TNRC6B: variants seen among roughly 807,000 people sequenced by gnomAD.
TNRC6B encodes trinucleotide repeat-containing gene 6B protein.
TNRC6B carries 52 observed loss-of-function variants against 203.6 expected under a neutral mutation model. That is an observed-to-expected ratio of 0.26 (90% confidence interval 0.20 to 0.32). TNRC6B has a LOEUF of 0.32. Among genes scored for constraint, TNRC6B ranks in the 10% least tolerant of loss-of-function variants. TNRC6B has a pLI of 1.00. For missense variants in TNRC6B, 1,923 were observed against 2,286.2 expected (o/e 0.84, Z 3.24); for synonymous variants, 838 against 845.7 (o/e 0.99, Z 0.16).
chr22:40,214,439 A>C lies in TNRC6B; in HGVS notation c.6-31576A>C, dbSNP rs117262306. On this transcript the variant is annotated intron_variant, in intron 1 of 22. Transcript: ENST00000454349. ...AAGGTTGGTAGATTTTATCAATGTC[A>C]GTTTCTTCGTTGGGATATTATAGTT... Among the ~76,000 whole-genome samples the C allele has an allele frequency of 6.2e-4, 94 of 152,252 alleles. No homozygotes were observed. In the East Asian group the frequency reaches 0.016, roughly 26 times the overall value.
At chr22:40,089,018 A>C (rs544085090) in intron 1 of TNRC6B, among the ~76,000 whole-genome samples, 1 of 152,138 alleles carries the variant, frequency 6.6e-6, no homozygotes, top group Non-Finnish European at 1.5e-5. Flanking sequence ...AAGTCCTTCA[A>C]CTGTACTCAT....
chr22:40,270,144 T>C lies in TNRC6B; in HGVS notation c.2829T>C (p.Pro943=). 2 of 1,587,846 alleles carry C rather than the reference T, an allele frequency of 1.3e-6. No individual in the cohort carries two copies. The highest frequency in any genetic ancestry group is 1.3e-5 in the African/African-American group (1 of 74,558). ...SASVWSKSTP[P]APDNGTSAWG... ...TAGTCTGGAGCAAAAGCACACCACCTGCTCCAGATAATGGTACTTCCGCTT... is the reference window on the plus strand; with the variant it reads ...TAGTCTGGAGCAAAAGCACACCACCCGCTCCAGATAATGGTACTTCCGCTT... The change falls in exon 6 of 23, where the codon CCT becomes CCC. Residue 943 remains proline (P), a synonymous_variant. Coordinates refer to ENST00000454349, the MANE Select transcript of TNRC6B (RefSeq NM_001162501.2).
chr22:40,218,731 G>C (rs1386395249), intron 1 of TNRC6B, among the ~76,000 whole-genome samples: 5 of 152,168 alleles, frequency 3.3e-5, no homozygotes, highest in Non-Finnish European at 5.9e-5. Context: ...GACCAAGCAT[G>C]GGCGGCACAA....
At chr22:40,284,873 C>T (rs1281396996) in intron 11 of TNRC6B, among the ~76,000 whole-genome samples, 1 of 152,188 alleles carries the variant, frequency 6.6e-6, no homozygotes, top group African/African-American at 2.4e-5. Context: ...AAGGACTTTT[C>T]TCAGCTAGAA....
chr22:40,118,169 A>G (rs2068408648), intron 2 of TNRC6B, among the ~76,000 whole-genome samples: 1 of 152,154 alleles, frequency 6.6e-6, no homozygotes, highest in Non-Finnish European at 1.5e-5. Flanking sequence ...TGCCTAGTGT[A>G]TGCACCTTGT....
upstream of TNRC6B, among the ~76,000 whole-genome samples, chr22:40,175,325 C>G (rs1221190775): frequency 6.6e-6 from 1 of 152,038 alleles, no homozygotes; most frequent in African/African-American, 2.4e-5. Flanking sequence ...CCACTGCACT[C>G]CAGCCTGGGT....
chr22:40,110,171 G>T (rs2068320438), intron 1 of TNRC6B, among the ~76,000 whole-genome samples: 1 of 152,166 alleles, frequency 6.6e-6, no homozygotes, highest in African/African-American at 2.4e-5. Context: ...AATTTTTAAT[G>T]TAAATTGCCA....
At chr22:40,062,963 A>G (rs917767753) in intron 1 of TNRC6B, among the ~76,000 whole-genome samples, 2 of 149,128 alleles carry the variant, frequency 1.3e-5, no homozygotes, top group African/African-American at 5.0e-5. Context: ...TTCTTTTGCT[A>G]TTTTTGCTTT....
Position 40,270,221 on chromosome 22 carries a change from G to GCCCACCCCC in TNRC6B, c.2906_2907insCCCACCCCC (p.Gly969_Ala970insProProPro). ...GGGTGGGGCGAGATGGATGATACAG[G>GCCCACCCCC]AGCATCGACCACAGGCTGGGGGAAC... On this transcript the variant is annotated inframe_insertion, in exon 6 of 23. Transcript: ENST00000454349. 1 of 1,536,416 alleles carries GCCCACCCCC rather than the reference G, an allele frequency of 6.5e-7. No individual in the cohort carries two copies. Among genetic ancestry groups the GCCCACCCCC allele is most frequent in the Admixed American group, 2.0e-5 (1 of 49,574 alleles).
chr22:40,237,725 C>A (rs2069966934), intron 1 of TNRC6B, among the ~76,000 whole-genome samples: 1 of 152,248 alleles, frequency 6.6e-6, no homozygotes, highest in East Asian at 1.9e-4. Context: ...TCCCAGATGG[C>A]TTTCTTTATG....
intron 1 of TNRC6B, among the ~76,000 whole-genome samples, chr22:40,084,644 G>A (rs1419680072): frequency 6.6e-6 from 1 of 152,160 alleles, no homozygotes; most frequent in African/African-American, 2.4e-5. Context: ...AAAATGATGA[G>A]TGGAGAGAAT....
At chr22:40,283,247 C>T (rs2070740719) in intron 11 of TNRC6B, among the ~76,000 whole-genome samples, 1 of 152,082 alleles carries the variant, frequency 6.6e-6, no homozygotes, top group Non-Finnish European at 1.5e-5. Flanking sequence ...ACCATGTTAG[C>T]CGGGATGGTC....
intron 4 of TNRC6B, 117 bp downstream of exon 4, chr22:40,262,290 C>T: frequency 1.0e-6 from 1 of 953,072 alleles, no homozygotes; most frequent in Non-Finnish European, 1.4e-6. Flanking sequence ...TGGGATTAGT[C>T]AAAAGATGAG....
intron 1 of TNRC6B, among the ~76,000 whole-genome samples, chr22:40,213,781 G>A (rs567908069): frequency 1.7e-4 from 26 of 152,220 alleles, no homozygotes; most frequent in African/African-American, 5.3e-4. Flanking sequence ...CTGCTTTTGG[G>A]GGAAGTCTTT....
In TNRC6B at chr22:40,317,551, C is replaced by T. The variant is rs1024251525; in HGVS notation, c.4974+1539C>T. Among the ~76,000 whole-genome samples, 8 of 152,288 alleles carry T rather than the reference C, an allele frequency of 5.3e-5. 1 individual carries two copies. The East Asian group carries it at 1.5e-3, about 29-fold the overall frequency. On this transcript the variant is annotated intron_variant, in intron 21 of 22. Coordinates refer to ENST00000454349, the MANE Select transcript of TNRC6B (RefSeq NM_001162501.2). Reference sequence around the variant, plus strand: ...TGAGATTGCACCACTGCACTCCAGCCTGGCGACAGAGCGAGACTCCATCTG... The same window carrying T: ...TGAGATTGCACCACTGCACTCCAGCTTGGCGACAGAGCGAGACTCCATCTG...
rs375789430 is a variant in TNRC6B, at chr22:40,189,464, G to A, written c.5+11324G>A. On this transcript the variant is annotated intron_variant, in intron 1 of 22. Coordinates refer to ENST00000454349, the MANE Select transcript of TNRC6B (RefSeq NM_001162501.2). Reference sequence around the variant, plus strand: ...ACATTTGATTAGTTCAGCATTTCCCGCTGTTTGTTGGGGTACTAATAGATT... The same window carrying A: ...ACATTTGATTAGTTCAGCATTTCCCACTGTTTGTTGGGGTACTAATAGATT... 2.7e-5 allele frequency among the ~76,000 whole-genome samples: 4 copies of A among 148,352 alleles called. No individual in the cohort carries two copies. The East Asian group carries it at 5.9e-4, about 22-fold the overall frequency.
chr22:40,237,869 CGTT>C (rs898677303), intron 1 of TNRC6B, among the ~76,000 whole-genome samples: 2 of 151,808 alleles, frequency 1.3e-5, no homozygotes, highest in African/African-American at 4.8e-5. Flanking sequence ...CATTGCCTGG[CGTT>C]GTGTGTGTGT....
intron 1 of TNRC6B, among the ~76,000 whole-genome samples, chr22:40,233,554 G>C (rs1046113783): frequency 6.6e-6 from 1 of 151,760 alleles, no homozygotes; most frequent in Non-Finnish European, 1.5e-5. Context: ...CTCAGGAGGC[G>C]GAGGTTGCAG....
rs556527490 is a variant in TNRC6B at position 40,302,891 on chromosome 22, G to A, written c.4120+1558G>A. On this transcript the variant is annotated intron_variant, in intron 15 of 22. Transcript: ENST00000454349. The stretch of plus-strand genomic sequence containing the variant: ...TCTGCCTGATAACTGACTTAAATTC[G>A]AAATAACTTTTCTTGCACTTGATAT... 3.9e-5 allele frequency among the ~76,000 whole-genome samples: 6 copies of A among 152,146 alleles called. No individual in the cohort carries two copies. In the South Asian group the frequency reaches 6.2e-4, roughly 16 times the overall value.
Sources: allele counts gnomAD v4.1 joint callset (sites outside exome capture counted in the v4.1 genomes callset), GRCh38; gene constraint gnomAD v4.1.1; transcripts MANE v1.5; gene names NCBI Gene and HGNC (gene_info 2026-07-23, HGNC 2026-07-21).